Variants in TRHDE observed in about 807,000 individuals in gnomAD.
The protein encoded by TRHDE is thyrotropin releasing hormone degrading enzyme.
TRHDE carries 72 observed loss-of-function variants against 125.7 expected under a neutral mutation model. The observed-to-expected ratio is 0.57, with a 90% CI of 0.47 to 0.70. The LOEUF (loss-of-function observed/expected upper bound fraction) is 0.70. Ranked by LOEUF, TRHDE falls within the 30% of genes least tolerant of loss-of-function variation. TRHDE has a pLI of 0.00. For missense variants in TRHDE, 1,110 were observed against 1,327.1 expected (o/e 0.84, Z 2.54); for synonymous variants, 509 against 509.1 (o/e 1.00, Z 0.00).
chr12:72,332,212 C>A (rs575078934), intron 2 of TRHDE, among the ~76,000 whole-genome samples: 1 of 152,122 alleles, frequency 6.6e-6, no homozygotes, highest in South Asian at 2.1e-4. Flanking sequence ...GATCTCGGCT[C>A]ACTGCAAGCT....
intron 1 of TRHDE, among the ~76,000 whole-genome samples, chr12:72,282,577 A>G (rs1217463128): frequency 6.6e-6 from 1 of 152,204 alleles, no homozygotes; most frequent in East Asian, 1.9e-4. Context: ...ATCAAGGTTG[A>G]AAAAGATGTT....
At chr12:72,091,188 T>C (rs1874781898) in intron 1 of TRHDE, among the ~76,000 whole-genome samples, 1 of 152,118 alleles carries the variant, frequency 6.6e-6, no homozygotes, top group Admixed American at 6.6e-5. Context: ...TTATTAGTCA[T>C]CAAACCACCT....
At chr12:72,604,896 T>A (rs941123112) in intron 12 of TRHDE, among the ~76,000 whole-genome samples, 2 of 152,120 alleles carry the variant, frequency 1.3e-5, no homozygotes, top group African/African-American at 4.8e-5. Flanking sequence ...GTCTTCTAAT[T>A]GTTAATCATC....
intron 6 of TRHDE, among the ~76,000 whole-genome samples, chr12:72,513,183 A>G (rs987693216): frequency 2.0e-5 from 3 of 152,236 alleles, no homozygotes; most frequent in South Asian, 2.1e-4. Context: ...GTGGACCTAA[A>G]TATTATCTCA....
intron 2 of TRHDE, among the ~76,000 whole-genome samples, chr12:72,326,271 T>C (rs1335072500): frequency 6.6e-6 from 1 of 152,114 alleles, no homozygotes; most frequent in African/African-American, 2.4e-5. Context: ...TCAGGCTTCA[T>C]CTATAAAATA....
chr12:72,654,584 G>A (rs760046501), intron 17 of TRHDE, among the ~76,000 whole-genome samples: 2 of 152,054 alleles, frequency 1.3e-5, no homozygotes, highest in Non-Finnish European at 2.9e-5. Context: ...TTTCCTTTAT[G>A]AGTGTGCCTG....
intron 7 of TRHDE, among the ~76,000 whole-genome samples, chr12:72,561,306 A>C (rs1159210520): frequency 6.9e-6 from 1 of 145,710 alleles, no homozygotes; most frequent in African/African-American, 2.7e-5. Context: ...ACTTTGATAT[A>C]ATTTAGGATT....
At chr12:72,474,028 A>G (rs1876772614) in intron 5 of TRHDE, among the ~76,000 whole-genome samples, 1 of 152,124 alleles carries the variant, frequency 6.6e-6, no homozygotes, top group Admixed American at 6.6e-5. Flanking sequence ...ACGCACATAT[A>G]TATGCACACA....
At chr12:72,419,296 A>G (rs1259401469) in intron 3 of TRHDE, among the ~76,000 whole-genome samples, 1 of 152,176 alleles carries the variant, frequency 6.6e-6, no homozygotes, top group Non-Finnish European at 1.5e-5. Flanking sequence ...ATACAAAATG[A>G]TGGAAGAAGA....
intron 9 of TRHDE, 109 bp from the exon 10 acceptor site, chr12:72,568,459 T>G (rs2293653): frequency 0.062 from 36,781 of 591,914 alleles, 1,435 homozygotes; most frequent in Admixed American, 0.14. Context: ...TTTTTTTAGT[T>G]CACCTAATGA....
At chr12:72,599,524 G>C (rs1872121399) in intron 12 of TRHDE, among the ~76,000 whole-genome samples, 1 of 152,062 alleles carries the variant, frequency 6.6e-6, no homozygotes, top group Admixed American at 6.6e-5. Context: ...CTTCTTTTGA[G>C]AAATATCTGT....
chr12:72,143,723 T>A (rs1474705102), intron 2 of TRHDE, among the ~76,000 whole-genome samples: 1 of 152,066 alleles, frequency 6.6e-6, no homozygotes, highest in Non-Finnish European at 1.5e-5. Context: ...TGCTTGGTTC[T>A]TTTTAGTCTC....
At position 72,506,359 on chromosome 12, in the gene TRHDE, A is replaced by G. The variant is rs895457104; in HGVS notation, c.1722+6724A>G. The stretch of plus-strand genomic sequence containing the variant: ...CAAAACAAGAAAAGAATGCAACCCA[A>G]TAGAAGACATAAAACACATGAAATA... On this transcript the variant is annotated intron_variant, in intron 6 of 18. Transcript: ENST00000261180. Among the ~76,000 whole-genome samples, 5 of 152,282 alleles carry G rather than the reference A, an allele frequency of 3.3e-5. No individual in the cohort carries two copies. In the South Asian group the frequency reaches 6.2e-4, roughly 19 times the overall value.
In TRHDE at chr12:72,499,529, A is replaced by G; in HGVS notation, c.1616A>G (p.His539Arg). 2 of 1,613,848 alleles carry G rather than the reference A, an allele frequency of 1.2e-6. No individual in the cohort carries two copies. Among genetic ancestry groups the G allele is most frequent in the Non-Finnish European group, 1.7e-6 (2 of 1,179,844 alleles). ...EKQRFLTDVL[H>R]EVMLLDGLAS... ...CAGAGGTTTCTGACCGATGTTCTGC[A>G]TGAAGTGATGCTGCTGGACGGTTTG... Residue 539 changes from histidine (H) to arginine (R), a missense_variant, in exon 6 of 19, where the codon CAT (histidine) becomes CGT (arginine). Physicochemically the swap from His to Arg is conservative, Grantham distance 29 (BLOSUM62 0). Around this residue, in one of 5 missense-constraint regions of TRHDE, gnomAD observed 527 missense variants for 651.8 expected, o/e 0.81. Coordinates refer to ENST00000261180, the MANE Select transcript of TRHDE (RefSeq NM_013381.3).
intron 12 of TRHDE, among the ~76,000 whole-genome samples, chr12:72,610,257 G>C (rs1459090165): frequency 6.6e-6 from 1 of 152,082 alleles, no homozygotes; most frequent in Non-Finnish European, 1.5e-5. Flanking sequence ...ATCTTCATAA[G>C]AAACTTTCTA....
chr12:72,580,479 T>C (rs1241506913), intron 12 of TRHDE, among the ~76,000 whole-genome samples: 2 of 152,236 alleles, frequency 1.3e-5, no homozygotes, highest in Non-Finnish European at 2.9e-5. Flanking sequence ...TTCACTCTTG[T>C]TACCCAGGCC....
intron 5 of TRHDE, among the ~76,000 whole-genome samples, chr12:72,487,353 A>C (rs929473609): frequency 6.6e-6 from 1 of 152,174 alleles, no homozygotes; most frequent in East Asian, 1.9e-4. Flanking sequence ...CATACTGTCA[A>C]TAGTGAAAGA....
intron 7 of TRHDE, among the ~76,000 whole-genome samples, chr12:72,544,575 C>T (rs1363974826): frequency 2.0e-5 from 3 of 150,774 alleles, no homozygotes; most frequent in African/African-American, 7.3e-5. Context: ...CTCTTGCTCT[C>T]TTTTCTTCCT....
At position 72,538,265 on chromosome 12, in the gene TRHDE, A is replaced by G. The variant is rs143554727; in HGVS notation, c.1723-4026A>G. Among the ~76,000 whole-genome samples the G allele has an allele frequency of 1.1e-3, 166 of 152,048 alleles. 2 individuals carry two copies. In the East Asian group the frequency reaches 0.025, roughly 23 times the overall value. On this transcript the variant is annotated intron_variant, in intron 6 of 18. Transcript: ENST00000261180. ...ATCTCTCTCTTAAATATGGCCTACT[A>G]TGGCCTTCTCTTAGCTATTATTTTC...
Sources: allele counts gnomAD v4.1 joint callset (sites outside exome capture counted in the v4.1 genomes callset), GRCh38; gene constraint gnomAD v4.1.1; regional missense constraint gnomAD v4.1.1; transcripts MANE v1.5; gene names NCBI Gene and HGNC (gene_info 2026-07-23, HGNC 2026-07-21).